The following GATAD2B variants were observed in gnomAD, a reference collection of about 807,000 sequenced individuals.
GATAD2B encodes the protein transcriptional repressor p66-beta.
GATAD2B carries 8 observed loss-of-function variants against 64.3 expected under a neutral mutation model. The ratio of observed to expected loss-of-function variants is 0.12; its 90% CI spans 0.07 to 0.22. The LOEUF (loss-of-function observed/expected upper bound fraction) is 0.22, where lower values mean the gene tolerates loss of function less well. Ranked by LOEUF, GATAD2B falls within the 10% of genes least tolerant of loss-of-function variation. The pLI is 1.00. For synonymous variants in GATAD2B, 281 were observed against 271.3 expected, an observed-to-expected ratio of 1.04 and a Z score of -0.35; for missense variants, 453 against 752.0, an observed-to-expected ratio of 0.60 and a Z score of 4.65.
At chr1:153,836,541 GCACC>G (rs1050395462) in intron 1 of GATAD2B, among the ~76,000 whole-genome samples, 2 of 100,998 alleles carry the variant, frequency 2.0e-5, no homozygotes, top group Admixed American at 2.1e-4. Context: ...GTGAGCCACT[GCACC>G]CAGCCTAAAA....
intron 1 of GATAD2B, among the ~76,000 whole-genome samples, chr1:153,903,816 CTACAAAAAA>C (rs1158260168): frequency 1.3e-5 from 2 of 152,006 alleles, no homozygotes; most frequent in Non-Finnish European, 2.9e-5. Context: ...AATCCCCTCT[CTACAAAAAA>C]TACAAAAAAT....
rs761447443 is a variant in GATAD2B, at chr1:153,816,487, C to A, written c.1002G>T (p.Ser334=). The part of the protein sequence containing the change: ...IQPGTVNRVS[S]PLPSPSAMTD... The stretch of plus-strand genomic sequence containing the variant: ...TCATGGCGCTGGGGCTAGGAAGTGG[C>A]GAGGACACTCTGTTCACCGTCCCTG... Residue 334 remains serine (S), a synonymous_variant, in exon 7 of 11, where the codon TCG becomes TCT. Coordinates refer to ENST00000368655, the MANE Select transcript of GATAD2B (RefSeq NM_020699.4). This position sits in a 1 kb window ranked among gnomAD's most constrained non-coding sequence, Gnocchi z 4.9. 4.0e-5 allele frequency: 65 copies of A among 1,613,798 alleles called. No homozygotes were observed. Among genetic ancestry groups the A allele is most frequent in the Non-Finnish European group, 5.4e-5 (64 of 1,179,804 alleles).
At chr1:153,891,871 A>G (rs575518472) in intron 1 of GATAD2B, among the ~76,000 whole-genome samples, 44 of 152,092 alleles carry the variant, frequency 2.9e-4, no homozygotes, top group African/African-American at 9.9e-4. Context: ...AAAATTAGGG[A>G]CAGAGTTTAT....
intron 1 of GATAD2B, among the ~76,000 whole-genome samples, chr1:153,854,954 A>T (rs1386948939): frequency 6.6e-6 from 1 of 152,172 alleles, no homozygotes; most frequent in Non-Finnish European, 1.5e-5. Flanking sequence ...AAAAAAGTTG[A>T]TATAAAAAAA....
chr1:153,856,888 T>C (rs909939002), intron 1 of GATAD2B, among the ~76,000 whole-genome samples: 13 of 152,154 alleles, frequency 8.5e-5, no homozygotes, highest in Non-Finnish European at 1.9e-4. Context: ...AGCCTAGCCC[T>C]CCAGATACTA....
chr1:153,832,767 AC>A lies in GATAD2B; in HGVS notation c.-1-4420del, dbSNP rs532331685. Among the ~76,000 whole-genome samples the A allele has an allele frequency of 2.8e-3, 428 of 152,252 alleles. 3 individuals are homozygous for A. Among genetic ancestry groups the A allele is most frequent in the African/African-American group, 9.8e-3 (407 of 41,548 alleles). On this transcript the variant is annotated intron_variant, in intron 1 of 10. Coordinates refer to ENST00000368655, the MANE Select transcript of GATAD2B (RefSeq NM_020699.4). ...TCATCACCCAAATAGCTAACATAGT[AC>A]CCAATGGGTAGTTTTTCAACCCTTA... is the stretch of plus-strand genomic sequence containing the variant.
chr1:153,868,326 TTAG>T (rs1321735754), intron 1 of GATAD2B, among the ~76,000 whole-genome samples: 1 of 152,176 alleles, frequency 6.6e-6, no homozygotes. Flanking sequence ...ACAGAACAAT[TTAG>T]TGAGAAAAGT....
At chr1:153,829,551 G>A (rs1197632927) in intron 1 of GATAD2B, among the ~76,000 whole-genome samples, 2 of 151,358 alleles carry the variant, frequency 1.3e-5, no homozygotes, top group Non-Finnish European at 2.9e-5. Flanking sequence ...GCCTGGCTAA[G>A]ATGGTGAAAC....
chr1:153,884,266 C>T lies in GATAD2B; in HGVS notation c.-2+38467G>A, dbSNP rs531096416. On this transcript the variant is annotated intron_variant, in intron 1 of 10. Transcript: ENST00000368655. ...CCATTCTGGCTAACACGGTGAAACC[C>T]GTCTCTACTAAAAATACAAAAAAAT... Among the ~76,000 whole-genome samples, 15 of 152,198 alleles carry T rather than the reference C, an allele frequency of 9.9e-5. No homozygotes were observed. The South Asian group carries it at 2.9e-3, about 29-fold the overall frequency.
At chr1:153,849,582 C>G (rs1003539122) in intron 1 of GATAD2B, among the ~76,000 whole-genome samples, 3 of 152,190 alleles carry the variant, frequency 2.0e-5, no homozygotes, top group Non-Finnish European at 2.9e-5. Flanking sequence ...CACATGCATT[C>G]TATCTGTAAA....
intron 1 of GATAD2B, among the ~76,000 whole-genome samples, chr1:153,905,987 A>C (rs759972058): frequency 1.7e-4 from 25 of 150,948 alleles, no homozygotes; most frequent in Non-Finnish European, 3.0e-4. Context: ...GAATCGCTTG[A>C]AACTGGGAGT....
chr1:153,880,680 T>TA (rs1005799696), intron 1 of GATAD2B, among the ~76,000 whole-genome samples: 14 of 149,934 alleles, frequency 9.3e-5, no homozygotes, highest in African/African-American at 2.9e-4. Flanking sequence ...CAAATTTCAA[T>TA]AAAAAATACA....
chr1:153,852,050 A>G (rs533852896), intron 1 of GATAD2B: 2 of 480,688 alleles, frequency 4.2e-6, no homozygotes, highest in African/African-American at 2.0e-5. Context: ...CAACATAACG[A>G]AAGGTGTTAA....
At chr1:153,884,734 G>A (rs1352029377) in intron 1 of GATAD2B, among the ~76,000 whole-genome samples, 2 of 152,136 alleles carry the variant, frequency 1.3e-5, no homozygotes, top group Non-Finnish European at 2.9e-5. Context: ...AGCCAGGAAG[G>A]TAGGATCTTT....
At chr1:153,866,638 T>A (rs1676484904) in intron 1 of GATAD2B, among the ~76,000 whole-genome samples, 2 of 152,186 alleles carry the variant, frequency 1.3e-5, no homozygotes, top group Admixed American at 1.3e-4. Flanking sequence ...CATTTCAGTT[T>A]CCTAATGAAT....
chr1:153,854,777 C>T (rs1472056413), intron 1 of GATAD2B, among the ~76,000 whole-genome samples: 2 of 152,194 alleles, frequency 1.3e-5, no homozygotes, highest in African/African-American at 4.8e-5. Flanking sequence ...ACTCCACAGA[C>T]GACTAATTGC....
At chr1:153,871,486 G>A (rs193261524) in intron 1 of GATAD2B, among the ~76,000 whole-genome samples, 7 of 152,268 alleles carry the variant, frequency 4.6e-5, no homozygotes, top group Non-Finnish European at 8.8e-5. Flanking sequence ...ACAGGTGTAA[G>A]CCACTGTACC....
chr1:153,828,415 G>A lies in GATAD2B; in HGVS notation c.-1-67C>T, dbSNP rs2101891699. The A allele has an allele frequency of 4.3e-6, 5 of 1,157,118 alleles. No individual in the cohort carries two copies. The South Asian group carries it at 5.6e-5, about 13-fold the overall frequency. The allele number at this position is 1,157,118 out of a possible 1,614,324, so 71.7% of individuals were successfully genotyped here. On this transcript the variant is annotated intron_variant, in intron 1 of 10. Coordinates refer to ENST00000368655, the MANE Select transcript of GATAD2B (RefSeq NM_020699.4). ...TTAAATAGTCCATTTTTAAAAAGGT[G>A]GAATGGTGAAGTTATTAACAAGAAT... is the stretch of plus-strand genomic sequence containing the variant.
At chr1:153,813,153 G>C in intron 8 of GATAD2B, 97 bp downstream of exon 8, 1 of 855,648 alleles carries the variant, frequency 1.2e-6, no homozygotes, top group African/African-American at 1.6e-5. Flanking sequence ...CTGTGGACCT[G>C]TAGGGATCAC....
Sources: allele counts gnomAD v4.1 joint callset (sites outside exome capture counted in the v4.1 genomes callset), GRCh38; gene constraint gnomAD v4.1.1; non-coding constraint Gnocchi (gnomAD v3.1); transcripts MANE v1.5; gene names NCBI Gene and HGNC (gene_info 2026-07-23, HGNC 2026-07-21).